Variants in FAM20C observed in about 807,000 individuals in gnomAD.
FAM20C encodes extracellular serine/threonine protein kinase FAM20C.
A neutral mutation model predicts 51.5 loss-of-function variants in FAM20C; 40 were observed. The observed-to-expected ratio is 0.78, with a 90% confidence interval of 0.60 to 1.01. The LOEUF (loss-of-function observed/expected upper bound fraction) is 1.01, where lower values mean the gene tolerates loss of function less well. Among genes scored for constraint, FAM20C ranks in the 50% least tolerant of loss-of-function variants. FAM20C has a pLI of 0.00. For missense variants in FAM20C, 861 were observed against 844.7 expected (o/e 1.02, Z -0.24); for synonymous variants, 406 against 380.6 (o/e 1.07, Z -0.78).
In FAM20C at chr7:193,053, G is replaced by A. The variant is rs991346528; in HGVS notation, c.-147G>A. ...TCCGGCGGCGGGCGCCCTGCACGCGGCCCGGGCCCGGGGACAGCCCCGGAG... is the reference window on the plus strand; with the variant it reads ...TCCGGCGGCGGGCGCCCTGCACGCGACCCGGGCCCGGGGACAGCCCCGGAG... On this transcript the variant is annotated 5_prime_UTR_variant, in exon 1 of 10. Transcript: ENST00000313766. 2.5e-5 allele frequency: 13 copies of A among 526,056 alleles called. No individual in the cohort carries two copies. Among genetic ancestry groups the A allele is most frequent in the Non-Finnish European group, 3.4e-5 (13 of 378,002 alleles). 32.6% of individuals were successfully genotyped at this position (526,056 alleles called of 1,614,324 possible).
intron 3 of FAM20C, among the ~76,000 whole-genome samples, chr7:224,224 T>C (rs1787374201): frequency 7.6e-6 from 1 of 130,832 alleles, no homozygotes; most frequent in Non-Finnish European, 1.6e-5. Context: ...CCCTGAGCCT[T>C]CTCTCACGGA....
chr7:258,755 G>T, intron 9 of FAM20C, 50 bp downstream of exon 9: 2 of 1,499,340 alleles, frequency 1.3e-6, no homozygotes, highest in African/African-American at 1.4e-5. Context: ...TCCCTACTGC[G>T]CAGGAGACAG....
chr7:203,476 G>A (rs181635290), intron 2 of FAM20C, among the ~76,000 whole-genome samples: 3 of 152,238 alleles, frequency 2.0e-5, no homozygotes, highest in Admixed American at 6.5e-5. Flanking sequence ...GAGGGTGGGC[G>A]TCTGTACCTC....
chr7:196,602 G>C (rs1785885979), intron 2 of FAM20C, among the ~76,000 whole-genome samples: 1 of 152,234 alleles, frequency 6.6e-6, no homozygotes, highest in African/African-American at 2.4e-5. Context: ...TGCGCTGTGT[G>C]ATGAGGCCAG....
chr7:260,190 T>C lies in FAM20C; in HGVS notation c.*210T>C, dbSNP rs1443990223. ...AGAAAAGCTTGGGAAGGAAGCGCTG[T>C]CTGTGCTCACGGACAGAGGCGGCCG... On this transcript the variant is annotated 3_prime_UTR_variant, in exon 10 of 10. Coordinates refer to ENST00000313766, the MANE Select transcript of FAM20C (RefSeq NM_020223.4). The C allele has an allele frequency of 6.0e-6, 4 of 671,424 alleles. No homozygotes were observed. The African/African-American group carries it at 7.4e-5, about 12-fold the overall frequency. The allele number at this position is 671,424 out of a possible 1,614,324, so 41.6% of individuals were successfully genotyped here.
Position 193,809 on chromosome 7 carries a change from G to A in FAM20C, c.605+5G>A, listed in dbSNP as rs1244301835. Reference sequence around the variant, plus strand: ...AGCGGCGGAGAACCCGGACTGGTGAGTGGGGGCTGGCAGGTGCCCACCCCC... The same window carrying A: ...AGCGGCGGAGAACCCGGACTGGTGAATGGGGGCTGGCAGGTGCCCACCCCC... On this transcript the variant is annotated splice_donor_5th_base_variant and intron_variant, in intron 1 of 9. Transcript: ENST00000313766. 1 of 1,554,840 alleles carries A rather than the reference G, an allele frequency of 6.4e-7. No homozygotes were observed. The highest frequency in any genetic ancestry group is 1.2e-5 in the South Asian group (1 of 84,288).
intron 9 of FAM20C, among the ~76,000 whole-genome samples, chr7:259,150 C>T (rs572076159): frequency 1.3e-5 from 2 of 152,224 alleles, no homozygotes; most frequent in Non-Finnish European, 2.9e-5. Context: ...GGCATCACAG[C>T]GCCCGTGTTG....
At chr7:207,949 C>T (rs1786513759) in intron 2 of FAM20C, among the ~76,000 whole-genome samples, 1 of 152,222 alleles carries the variant, frequency 6.6e-6, no homozygotes, top group Non-Finnish European at 1.5e-5. Context: ...CTCCTGGTGG[C>T]CAAAGCTGGA....
intron 5 of FAM20C, among the ~76,000 whole-genome samples, chr7:253,816 G>A (rs941461215): frequency 2.6e-5 from 4 of 152,314 alleles, no homozygotes; most frequent in African/African-American, 7.2e-5. Flanking sequence ...CTTTTAACAC[G>A]ATACCATCTG....
chr7:237,393 T>A (rs1356427094), intron 3 of FAM20C, among the ~76,000 whole-genome samples: 2 of 152,234 alleles, frequency 1.3e-5, no homozygotes, highest in African/African-American at 4.8e-5. Flanking sequence ...CCTCAGGTGA[T>A]AATAGTGCAG....
At chr7:247,819 T>C (rs927911610) in intron 4 of FAM20C, among the ~76,000 whole-genome samples, 8 of 152,168 alleles carry the variant, frequency 5.3e-5, no homozygotes, top group Non-Finnish European at 7.4e-5. Context: ...TGGTCGGGCC[T>C]TGGGTCCCGG....
intron 5 of FAM20C, among the ~76,000 whole-genome samples, chr7:254,756 C>T (rs541045467): frequency 1.2e-4 from 19 of 152,274 alleles, no homozygotes; most frequent in South Asian, 8.3e-4. Context: ...AGGCGGTCAC[C>T]GTTCCTCACC....
chr7:202,019 C>T (rs568396516), intron 2 of FAM20C, among the ~76,000 whole-genome samples: 8 of 152,278 alleles, frequency 5.3e-5, no homozygotes, highest in South Asian at 2.1e-4. Flanking sequence ...GACGGATATC[C>T]GGGCGATAGG....
intron 3 of FAM20C, among the ~76,000 whole-genome samples, chr7:217,672 T>C: frequency 6.6e-6 from 1 of 152,150 alleles, no homozygotes. Flanking sequence ...AGAGGTGCCC[T>C]GAGGGTTCTC....
intron 3 of FAM20C, among the ~76,000 whole-genome samples, chr7:212,959 C>T (rs1018819348): frequency 8.2e-6 from 1 of 122,266 alleles, no homozygotes; most frequent in African/African-American, 2.9e-5. Flanking sequence ...CATCACTCCT[C>T]AACCCCCTTG....
chr7:245,688 A>G (rs527242759), intron 3 of FAM20C, among the ~76,000 whole-genome samples: 14 of 152,340 alleles, frequency 9.2e-5, no homozygotes, highest in African/African-American at 3.4e-4. Context: ...TCGGTCAAAC[A>G]CTTGCGTGGA....
intron 3 of FAM20C, among the ~76,000 whole-genome samples, chr7:210,928 G>A (rs1161071812): frequency 1.3e-5 from 2 of 152,128 alleles, no homozygotes; most frequent in Admixed American, 1.3e-4. Context: ...TGTGCTTGGG[G>A]TTTATATACA....
At chr7:235,066 G>A (rs984703196) in intron 3 of FAM20C, among the ~76,000 whole-genome samples, 10 of 152,126 alleles carry the variant, frequency 6.6e-5, no homozygotes, top group African/African-American at 2.4e-4. Context: ...TGAGAGAAAT[G>A]TCACATCACG....
At chr7:250,633 T>G (rs1393536992) in intron 5 of FAM20C, among the ~76,000 whole-genome samples, 1 of 152,152 alleles carries the variant, frequency 6.6e-6, no homozygotes, top group Non-Finnish European at 1.5e-5. Flanking sequence ...TAAGCACGCC[T>G]GAGCTCCGGC....
Sources: allele counts gnomAD v4.1 joint callset (sites outside exome capture counted in the v4.1 genomes callset), GRCh38; gene constraint gnomAD v4.1.1; transcripts MANE v1.5; gene names NCBI Gene and HGNC (gene_info 2026-07-23, HGNC 2026-07-21).